Variants in MAPDA observed in about 807,000 individuals in gnomAD.
MAPDA encodes N6,N6-dimethyl-AMP deaminase.
the MAPDA span, chr15:43,330,725 T>C: frequency 2.2e-6 from 1 of 445,892 alleles, no homozygotes; most frequent in Non-Finnish European, 4.0e-6. Flanking sequence ...TGTCGTGAGT[T>C]CCATTTGTCC....
chr15:43,336,763 A>G, the MAPDA span: 1 of 1,218,460 alleles, frequency 8.2e-7, no homozygotes, highest in Non-Finnish European at 1.1e-6. Context: ...ATGGCCTTTC[A>G]TTTTTGCTCT....
At chr15:43,350,486 A>G in the MAPDA span, among the ~76,000 whole-genome samples, 3 of 152,190 alleles carry the variant, frequency 2.0e-5, no homozygotes, top group South Asian at 6.2e-4. Flanking sequence ...AGCCATGGCA[A>G]AGTCTCTGCT....
chr15:43,336,370 A>C, the MAPDA span, among the ~76,000 whole-genome samples: 1 of 152,194 alleles, frequency 6.6e-6, no homozygotes, highest in African/African-American at 2.4e-5. Context: ...ATTTGAAAAT[A>C]TAGGCATATT....
chr15:43,341,759 C>A, the MAPDA span, among the ~76,000 whole-genome samples: 1 of 152,076 alleles, frequency 6.6e-6, no homozygotes, highest in African/African-American at 2.4e-5. Context: ...TAAAAAAGGT[C>A]TCTTGAAATA....
the MAPDA span, chr15:43,350,867 T>A: frequency 8.0e-7 from 1 of 1,243,212 alleles, no homozygotes; most frequent in Non-Finnish European, 1.1e-6. Flanking sequence ...ATATTTCTCG[T>A]GTCTACTTGG....
At chr15:43,335,775 TCC>T in the MAPDA span, 1 of 1,614,020 alleles carries the variant, frequency 6.2e-7, no homozygotes, top group African/African-American at 1.3e-5. Context: ...GATCTTAAAA[TCC>T]ACGATCAGAT....
At chr15:43,341,965 A>T in the MAPDA span, among the ~76,000 whole-genome samples, 1 of 151,902 alleles carries the variant, frequency 6.6e-6, no homozygotes, top group African/African-American at 2.4e-5. Context: ...CAGCCTCCCG[A>T]GTAGCAGGGA....
chr15:43,339,344 C>T, the MAPDA span, among the ~76,000 whole-genome samples: 1 of 152,182 alleles, frequency 6.6e-6, no homozygotes, highest in African/African-American at 2.4e-5. Context: ...ACCCATTCCA[C>T]TTACATTATA....
the MAPDA span, chr15:43,351,407 G>A: frequency 3.1e-6 from 1 of 322,886 alleles, no homozygotes; most frequent in East Asian, 6.1e-5. Flanking sequence ...TCTAGCAAAA[G>A]GTACTTGAGA....
chr15:43,342,891 A>G, the MAPDA span: 3 of 851,294 alleles, frequency 3.5e-6, no homozygotes, highest in East Asian at 2.9e-5. Context: ...TGCCCTTGTC[A>G]TAGCATAAAG....
the MAPDA span, chr15:43,345,831 A>C: frequency 6.2e-7 from 1 of 1,613,886 alleles, no homozygotes; most frequent in Non-Finnish European, 8.5e-7. Context: ...TTAGTTTTCA[A>C]CTCTGTCTTT....
chr15:43,345,354 CAAAAAAA>C, the MAPDA span, among the ~76,000 whole-genome samples: 2 of 35,756 alleles, frequency 5.6e-5, no homozygotes, highest in Non-Finnish European at 9.8e-5. Context: ...GATTCCATCT[CAAAAAAA>C]AAAAAAAAAA....
chr15:43,333,854 G>A, the MAPDA span, among the ~76,000 whole-genome samples: 243 of 152,328 alleles, frequency 1.6e-3, no homozygotes, highest in Admixed American at 3.5e-3. Context: ...GAGAGTCAAG[G>A]TGGCTAGTTT....
the MAPDA span, chr15:43,352,376 C>T: frequency 6.5e-6 from 1 of 153,506 alleles, no homozygotes; most frequent in African/African-American, 2.4e-5. Context: ...TAATCAGACT[C>T]CCTTCACTCG....
chr15:43,348,056 A>G, the MAPDA span, among the ~76,000 whole-genome samples: 5 of 152,274 alleles, frequency 3.3e-5, no homozygotes, highest in African/African-American at 1.2e-4. Flanking sequence ...GTGCAACATC[A>G]GAACTTGTTC....
chr15:43,334,980 C>CT, the MAPDA span: 4 of 824,768 alleles, frequency 4.8e-6, 1 homozygote, highest in Admixed American at 8.6e-5. Flanking sequence ...TACAGCTAAT[C>CT]TTACCAAAAT....
chr15:43,350,508 C>T, the MAPDA span, among the ~76,000 whole-genome samples: 1 of 152,148 alleles, frequency 6.6e-6, no homozygotes, highest in Non-Finnish European at 1.5e-5. Flanking sequence ...ATTCTTAGCT[C>T]TTTATAATGC....
the MAPDA span, chr15:43,350,877 G>T: frequency 1.5e-6 from 2 of 1,341,018 alleles, no homozygotes; most frequent in Non-Finnish European, 2.1e-6. Flanking sequence ...TGTCTACTTG[G>T]TGAACACTGA....
chr15:43,351,619 A>G, the MAPDA span: 1 of 786,772 alleles, frequency 1.3e-6, no homozygotes, highest in Non-Finnish European at 2.0e-6. Context: ...ATGCATAGAT[A>G]AATTTGTAGG....
Sources: gnomAD v4.1 joint callset for allele counts (sites outside exome capture counted in the v4.1 genomes callset) on GRCh38, gnomAD v4.1.1 for gene constraint, MANE v1.5 for transcripts, NCBI Gene and HGNC (gene_info 2026-07-23, HGNC 2026-07-21) for gene names.